Variants in CROCC2 observed in about 807,000 individuals in gnomAD.
The protein encoded by CROCC2 is ciliary rootlet coiled-coil, rootletin family member 2, also known as ciliary rootlet coiled-coil protein 2.
In CROCC2, 163 loss-of-function variants were observed where a neutral mutation model predicts 177.6. That is an observed-to-expected ratio of 0.92 (90% confidence interval 0.81 to 1.05). The LOEUF (loss-of-function observed/expected upper bound fraction) is 1.05, where lower values mean the gene tolerates loss of function less well. Ranked by LOEUF, CROCC2 falls within the 50% of genes least tolerant of loss-of-function variation. The probability of loss-of-function intolerance (pLI) is 0.00; values close to 1 mark genes in which losing one functional copy is unlikely to be tolerated. For synonymous variants in CROCC2, 904 were observed against 787.3 expected, an observed-to-expected ratio of 1.15 and a Z score of -2.48; for missense variants, 1,929 against 1,797.8, an observed-to-expected ratio of 1.07 and a Z score of -1.32.
chr2:240,930,446 G>T (rs2059421430), intron 6 of CROCC2, among the ~76,000 whole-genome samples, 177 bp downstream of exon 6: 1 of 152,132 alleles, frequency 6.6e-6, no homozygotes, highest in African/African-American at 2.4e-5. Flanking sequence ...GAGCAGCGAT[G>T]AGGGCAGCCT....
chr2:240,930,893 G>T, intron 6 of CROCC2, 38 bp from the exon 7 acceptor site: 1 of 680,380 alleles, frequency 1.5e-6, no homozygotes, highest in Non-Finnish European at 2.7e-6. Flanking sequence ...CTGCAGATGG[G>T]TCCTGAGTCC....
intron 20 of CROCC2, 180 bp from the exon 21 acceptor site, chr2:240,963,376 C>T (rs1263969167): frequency 2.7e-5 from 17 of 629,598 alleles, no homozygotes; most frequent in South Asian, 5.4e-5. Flanking sequence ...CCGTGGAAGC[C>T]GCCCTGCAGC....
At chr2:240,961,672 CGTA>C (rs927894581) in intron 20 of CROCC2, among the ~76,000 whole-genome samples, 2 of 148,582 alleles carry the variant, frequency 1.3e-5, no homozygotes, top group African/African-American at 5.0e-5. Flanking sequence ...TACACACACA[CGTA>C]GTGCATGCAC....
intron 12 of CROCC2, 129 bp from the exon 13 acceptor site, chr2:240,934,787 T>A: frequency 9.3e-7 from 1 of 1,071,704 alleles, no homozygotes; most frequent in Non-Finnish European, 1.3e-6. Flanking sequence ...GTGGCGACCT[T>A]CCCACCATGT....
Position 240,993,160 on chromosome 2 carries a change from T to C in CROCC2, c.*79T>C, listed in dbSNP as rs1255055538. 5.7e-6 allele frequency: 4 copies of C among 701,304 alleles called. No individual in the cohort carries two copies. Among genetic ancestry groups the C allele is most frequent in the Non-Finnish European group, 1.1e-5 (4 of 374,516 alleles). The allele number at this position is 701,304 out of a possible 1,614,324, so 43.4% of individuals were successfully genotyped here. A position where few individuals can be genotyped will look rare whatever the true frequency, so the allele number is the denominator to read the frequency against. ...CGCAGGTGGGAGGGGCCCAGCTGAT[T>C]TCTCAGCGTCACAGTGAAAGGCACC... On this transcript the variant is annotated 3_prime_UTR_variant, in exon 32 of 32. Transcript: ENST00000690015.
intron 27 of CROCC2, among the ~76,000 whole-genome samples, 194 bp downstream of exon 27, chr2:240,968,456 G>A (rs1038989762): frequency 5.9e-5 from 9 of 152,220 alleles, no homozygotes; most frequent in South Asian, 2.1e-4. Context: ...TGTGGCAGGC[G>A]GCTTTGGGGT....
intron 3 of CROCC2, among the ~76,000 whole-genome samples, chr2:240,921,400 C>G (rs943609665): frequency 2.6e-5 from 4 of 152,216 alleles, no homozygotes; most frequent in Non-Finnish European, 5.9e-5. Context: ...GAGCTGCCAG[C>G]CAGCCTACTC....
chr2:240,985,838 A>T, intron 28 of CROCC2: 1 of 413,246 alleles, frequency 2.4e-6, no homozygotes, highest in Admixed American at 2.5e-5. Flanking sequence ...ACACCCAGGC[A>T]CTCACACTGG....
chr2:240,984,723 TCAATCCACACACACACC>T (rs2059825980), intron 28 of CROCC2, among the ~76,000 whole-genome samples: 1 of 28,840 alleles, frequency 3.5e-5, no homozygotes, highest in Non-Finnish European at 6.1e-5. Flanking sequence ...ACCCAGGCAC[TCAATCCACACACACACC>T]CAGGCACTCC....
intron 31 of CROCC2, among the ~76,000 whole-genome samples, chr2:240,992,213 G>A (rs1330575234): frequency 2.0e-5 from 3 of 152,160 alleles, no homozygotes; most frequent in East Asian, 1.9e-4. Flanking sequence ...CCAAAGGGCC[G>A]CATGCTTTAT....
intron 21 of CROCC2, chr2:240,964,087 G>T (rs190047855): frequency 5.9e-5 from 32 of 542,556 alleles, no homozygotes; most frequent in Middle Eastern, 9.8e-4. Context: ...GGAGGCCAAC[G>T]GCCTGGCTGG....
intron 29 of CROCC2, among the ~76,000 whole-genome samples, chr2:240,989,331 C>A (rs73107883): frequency 0.014 from 2,073 of 152,268 alleles, 59 homozygotes; most frequent in African/African-American, 0.047. Flanking sequence ...GGGATGGGGG[C>A]AGGATGGGCA....
rs1025187779 is a variant in CROCC2 at position 240,917,687 on chromosome 2, C to T, written c.79-1039C>T. Among the ~76,000 whole-genome samples, 5 of 152,144 alleles carry T rather than the reference C, an allele frequency of 3.3e-5. No homozygotes were observed. Among genetic ancestry groups the T allele is most frequent in the African/African-American group, 1.2e-4 (5 of 41,436 alleles). On this transcript the variant is annotated intron_variant, in intron 1 of 31. Coordinates refer to ENST00000690015, the MANE Select transcript of CROCC2 (RefSeq NM_001351305.2). The surrounding 1 kb of genome is among the most constrained non-coding windows in gnomAD (Gnocchi z 4.9). ...CATGCTGGAGAGCCCTAGGAGTGGA[C>T]ATCCCCTCCCAGCTTCCCCTGGCAA...
chr2:240,936,622 G>A (rs1290906162), intron 14 of CROCC2, among the ~76,000 whole-genome samples: 1 of 152,212 alleles, frequency 6.6e-6, no homozygotes, highest in African/African-American at 2.4e-5. Context: ...CAGCAACAAT[G>A]TTTCCAATAC....
intron 10 of CROCC2, 85 bp downstream of exon 10, chr2:240,933,427 T>C (rs2059447269): frequency 1.5e-6 from 2 of 1,353,348 alleles, no homozygotes; most frequent in East Asian, 2.5e-5. Context: ...CAAGCACCTC[T>C]AGAGCTGGAG....
intron 1 of CROCC2, among the ~76,000 whole-genome samples, chr2:240,916,000 G>A (rs1559588223): frequency 6.6e-6 from 1 of 152,140 alleles, no homozygotes; most frequent in East Asian, 1.9e-4. Context: ...CAGAGGCCCC[G>A]GGCGGGAAAC....
chr2:240,951,067 C>G (rs2059553032), intron 18 of CROCC2: 1 of 152,724 alleles, frequency 6.5e-6, no homozygotes, highest in South Asian at 2.1e-4. Flanking sequence ...ATCTACCCAC[C>G]CATTCACCTC....
At chr2:240,967,053 C>T (rs370382187) in intron 25 of CROCC2, among the ~76,000 whole-genome samples, 11 of 152,146 alleles carry the variant, frequency 7.2e-5, no homozygotes, top group Non-Finnish European at 1.6e-4. Flanking sequence ...GGCTGTGGGC[C>T]GCCACCTGCC....
intron 28 of CROCC2, among the ~76,000 whole-genome samples, chr2:240,986,652 G>C (rs1393546170): frequency 6.6e-6 from 1 of 152,192 alleles, no homozygotes; most frequent in Non-Finnish European, 1.5e-5. Context: ...GGGGTGGGAA[G>C]GGCAGGTGTC....
Sources: gnomAD v4.1 joint callset for allele counts (sites outside exome capture counted in the v4.1 genomes callset) on GRCh38, gnomAD v4.1.1 for gene constraint, Gnocchi (gnomAD v3.1) non-coding constraint, MANE v1.5 for transcripts, NCBI Gene and HGNC (gene_info 2026-07-23, HGNC 2026-07-21) for gene names.